Variants in UTRN observed in about 807,000 individuals in gnomAD.
UTRN encodes dystrophin-related protein 1.
A neutral mutation model predicts 463.9 loss-of-function variants in UTRN; 283 were observed. The ratio of observed to expected loss-of-function variants is 0.61; its 90% CI spans 0.55 to 0.67. UTRN has a LOEUF of 0.67. UTRN is among the 30% of genes least tolerant of loss of function. UTRN has a pLI of 0.00. For synonymous variants in UTRN, 1,442 were observed against 1,431.5 expected (o/e 1.01, Z -0.17); for missense variants, 3,922 against 4,084.3 (o/e 0.96, Z 1.08).
chr6:144,808,915 ATACT>A (rs1422276780), intron 65 of UTRN, among the ~76,000 whole-genome samples: 1 of 151,994 alleles, frequency 6.6e-6, no homozygotes, highest in Non-Finnish European at 1.5e-5. Context: ...CTGTTGTAGG[ATACT>A]TAGTTTGATT....
At chr6:144,828,723 G>A (rs1244010239) in intron 68 of UTRN, 67 bp from the exon 69 acceptor site, 1 of 1,422,362 alleles carries the variant, frequency 7.0e-7, no homozygotes, top group Non-Finnish European at 9.9e-7. Context: ...AATGATTAAG[G>A]ATGTACGTCC....
rs1775857758 is a variant in UTRN, at chr6:144,324,513, AG to A, written c.79+32607del. On this transcript the variant is annotated intron_variant, in intron 2 of 74. Coordinates refer to ENST00000367545, the MANE Select transcript of UTRN (RefSeq NM_007124.3). ...TGATGTTATTAATATTACTGTAAAA[AG>A]TCTGGGTTTGGCCATAAAGTATTTA... 2.0e-5 allele frequency among the ~76,000 whole-genome samples: 3 copies of A among 152,350 alleles called. No individual in the cohort carries two copies. In the East Asian group the frequency reaches 5.8e-4, roughly 29 times the overall value.
At chr6:144,541,706 T>C (rs987485123) in intron 45 of UTRN, among the ~76,000 whole-genome samples, 1 of 152,160 alleles carries the variant, frequency 6.6e-6, no homozygotes, top group Admixed American at 6.5e-5. Context: ...AAAGAGCTTA[T>C]CATGGATGAG....
intron 13 of UTRN, among the ~76,000 whole-genome samples, chr6:144,443,516 T>A (rs1010387020): frequency 6.6e-6 from 1 of 152,158 alleles, no homozygotes; most frequent in Non-Finnish European, 1.5e-5. Flanking sequence ...TAGTATAATA[T>A]GAATTAAATA....
Position 144,453,824 on chromosome 6 carries a change from GAATTAAACC to G in UTRN, c.2242_2250del (p.Leu748_Gln750del). 1 of 1,613,678 alleles carries G rather than the reference GAATTAAACC, an allele frequency of 6.2e-7. No individual in the cohort carries two copies. Among genetic ancestry groups the G allele is most frequent in the Non-Finnish European group, 8.5e-7 (1 of 1,179,762 alleles). ...GAGAGAAAGAATCCCCAGAGCAGAT[GAATTAAACC>G]AAACTGGACAAATCCTTGTGGAGCA... On this transcript the variant is annotated inframe_deletion, in exon 19 of 75. Coordinates refer to ENST00000367545, the MANE Select transcript of UTRN (RefSeq NM_007124.3).
At chr6:144,479,113 G>GT (rs1191362260) in intron 25 of UTRN, among the ~76,000 whole-genome samples, 7 of 146,548 alleles carry the variant, frequency 4.8e-5, no homozygotes, top group South Asian at 2.2e-4. Context: ...TGCTTCTAGG[G>GT]GTTTTTTTTT....
chr6:144,727,396 A>G (rs535709481), intron 53 of UTRN, among the ~76,000 whole-genome samples: 2 of 152,324 alleles, frequency 1.3e-5, no homozygotes, highest in South Asian at 4.1e-4. Context: ...TTAAATCTGT[A>G]CATTCCTGGA....
chr6:144,827,440 A>G (rs935226854), intron 67 of UTRN, 54 bp downstream of exon 67: 3 of 1,610,576 alleles, frequency 1.9e-6, no homozygotes, highest in South Asian at 1.1e-5. Context: ...TGGTACTAGC[A>G]TGGGGGTCTT....
chr6:144,764,055 T>G (rs1792998340), intron 58 of UTRN, among the ~76,000 whole-genome samples: 1 of 152,076 alleles, frequency 6.6e-6, no homozygotes, highest in Non-Finnish European at 1.5e-5. Context: ...TACTGGAGAG[T>G]CTGTCTTTCT....
chr6:144,846,049 C>T (rs908633851), intron 73 of UTRN, among the ~76,000 whole-genome samples: 1 of 151,884 alleles, frequency 6.6e-6, no homozygotes, highest in Non-Finnish European at 1.5e-5. Context: ...CTCCTCTTTT[C>T]CCCCCAGCAT....
chr6:144,595,506 C>T (rs1282893658), intron 51 of UTRN, among the ~76,000 whole-genome samples: 1 of 152,150 alleles, frequency 6.6e-6, no homozygotes, highest in East Asian at 1.9e-4. Flanking sequence ...TCCTGGGGCA[C>T]ACAGCCAGCT....
At chr6:144,764,557 T>C (rs1014030831) in intron 58 of UTRN, among the ~76,000 whole-genome samples, 25 of 152,158 alleles carry the variant, frequency 1.6e-4, no homozygotes, top group African/African-American at 5.8e-4. Context: ...AGTAAAGTTC[T>C]ACCATACAAT....
At chr6:144,559,473 T>C (rs1345993462) in intron 50 of UTRN, among the ~76,000 whole-genome samples, 1 of 152,122 alleles carries the variant, frequency 6.6e-6, no homozygotes, top group Non-Finnish European at 1.5e-5. Context: ...CCAGTGAACT[T>C]TACAATTTTT....
At chr6:144,818,066 C>T (rs547860926) in intron 65 of UTRN, among the ~76,000 whole-genome samples, 11 of 152,204 alleles carry the variant, frequency 7.2e-5, no homozygotes, top group Admixed American at 3.3e-4. Flanking sequence ...TGGAATTGAA[C>T]TGGCACTTTT....
intron 14 of UTRN, among the ~76,000 whole-genome samples, chr6:144,446,173 T>G (rs1787675557): frequency 6.6e-6 from 1 of 152,330 alleles, no homozygotes; most frequent in East Asian, 1.9e-4. Flanking sequence ...AGTTTAAAAA[T>G]AGAGTGCTAG....
At chr6:144,343,797 C>T (rs949543620) in intron 2 of UTRN, among the ~76,000 whole-genome samples, 1 of 152,060 alleles carries the variant, frequency 6.6e-6, no homozygotes, top group African/African-American at 2.4e-5. Flanking sequence ...AACGAAACTC[C>T]TAAGGCCAGT....
chr6:144,770,423 A>C (rs970810343), intron 58 of UTRN, among the ~76,000 whole-genome samples: 1 of 152,188 alleles, frequency 6.6e-6, no homozygotes, highest in African/African-American at 2.4e-5. Flanking sequence ...GATTTTATGA[A>C]TGTTGTAATA....
At position 144,560,308 on chromosome 6, in the gene UTRN, A is replaced by G. The variant is rs552266048; in HGVS notation, c.7289+2997A>G. Among the ~76,000 whole-genome samples the G allele has an allele frequency of 1.3e-3, 193 of 152,170 alleles. 1 individual carries two copies. Among genetic ancestry groups the G allele is most frequent in the African/African-American group, 4.3e-3 (180 of 41,522 alleles). Reference sequence around the variant, plus strand: ...AATCAGACTGTCAGCCGTTGCTGACATTCTTGGTGACTGCTTTGTGTACCC... The same window carrying G: ...AATCAGACTGTCAGCCGTTGCTGACGTTCTTGGTGACTGCTTTGTGTACCC... On this transcript the variant is annotated intron_variant, in intron 50 of 74. Coordinates refer to ENST00000367545, the MANE Select transcript of UTRN (RefSeq NM_007124.3).
intron 51 of UTRN, among the ~76,000 whole-genome samples, chr6:144,605,039 C>T (rs1250333088): frequency 1.3e-5 from 2 of 152,112 alleles, no homozygotes; most frequent in African/African-American, 4.8e-5. Context: ...CGTTGGCTTC[C>T]CTGCAGCTCT....
Sources: gnomAD v4.1 joint callset for allele counts (sites outside exome capture counted in the v4.1 genomes callset) on GRCh38, gnomAD v4.1.1 for gene constraint, MANE v1.5 for transcripts, NCBI Gene and HGNC (gene_info 2026-07-23, HGNC 2026-07-21) for gene names.